BSN: variants seen among roughly 807,000 people sequenced by gnomAD.
BSN encodes bassoon presynaptic cytomatrix protein.
BSN carries 57 observed loss-of-function variants against 264.8 expected under a neutral mutation model. The observed-to-expected ratio is 0.22, with a 90% CI of 0.17 to 0.27. BSN has a LOEUF of 0.27. BSN is among the 10% of genes least tolerant of loss of function. The pLI is 1.00. For missense variants in BSN, 4,615 were observed against 5,232.5 expected, an observed-to-expected ratio of 0.88 and a Z score of 3.64; for synonymous variants, 2,059 against 2,137.3, an observed-to-expected ratio of 0.96 and a Z score of 1.01.
chr3:49,663,025 C>T lies in BSN; in HGVS notation c.10867C>T (p.Pro3623Ser), dbSNP rs747512004. ...ARHSYHDYDE[P>S]PEEGLWPHDE... ...GCACAGCTACCATGACTACGATGAA[C>T]CCCCTGAGGAGGGCCTGTGGCCTCA... The change falls in exon 7 of 12, where the codon CCC becomes TCC. Residue 3623 changes from proline to serine, a missense_variant. Physicochemically the swap from Pro to Ser is moderately conservative, Grantham distance 74. Coordinates refer to ENST00000296452, the MANE Select transcript of BSN (RefSeq NM_003458.4). 6.2e-7 allele frequency: 1 copy of T among 1,613,930 alleles called. No homozygotes were observed. Among genetic ancestry groups the T allele is most frequent in the African/African-American group, 1.3e-5 (1 of 75,060 alleles).
At chr3:49,590,737 A>G (rs534336385) in intron 1 of BSN, among the ~76,000 whole-genome samples, 1 of 151,958 alleles carries the variant, frequency 6.6e-6, no homozygotes, top group Non-Finnish European at 1.5e-5. Flanking sequence ...TAATTATTAC[A>G]CATAATTATA....
Position 49,655,048 on chromosome 3 carries a change from C to T in BSN, c.5492C>T (p.Pro1831Leu), listed in dbSNP as rs2052585157. 2 of 1,613,014 alleles carry T rather than the reference C, an allele frequency of 1.2e-6. No individual in the cohort carries two copies. Among genetic ancestry groups the T allele is most frequent in the Admixed American group, 1.7e-5 (1 of 60,008 alleles). ...ACCGCCCAGAGCATTGGCCTCAAGC[C>T]AGGCCCAGTGCCAGAGCCAGGTGCC... ...MGTAQSIGLK[P>L]GPVPEPGAEP... Residue 1831 changes from proline to leucine, a missense_variant, in exon 5 of 12, where the codon CCA becomes CTA. By Grantham distance (98) the Pro-to-Leu change is moderately conservative. Coordinates refer to ENST00000296452, the MANE Select transcript of BSN (RefSeq NM_003458.4).
At position 49,655,685 on chromosome 3, in the gene BSN, G is replaced by A. The variant is rs200228835; in HGVS notation, c.6129G>A (p.Thr2043=). The A allele has an allele frequency of 7.4e-5, 120 of 1,613,552 alleles. No individual in the cohort carries two copies. The highest frequency in any genetic ancestry group is 1.6e-4 in the East Asian group (7 of 44,878). The change falls in exon 5 of 12, where the codon ACG becomes ACA. Residue 2043 remains threonine (T), a synonymous_variant. Coordinates refer to ENST00000296452, the MANE Select transcript of BSN (RefSeq NM_003458.4). ...LGQGLQYGSV[T]DLRHPTDLLA... The stretch of plus-strand genomic sequence containing the variant: ...AGGGCTTGCAGTATGGCTCAGTCAC[G>A]GACCTGCGTCATCCTACAGACCTTT...
At chr3:49,596,335 C>T (rs1424854319) in intron 1 of BSN, among the ~76,000 whole-genome samples, 4 of 152,044 alleles carry the variant, frequency 2.6e-5, no homozygotes, top group Admixed American at 6.6e-5. Flanking sequence ...ACCTAGGAGG[C>T]GGAGCTTGCA....
rs1406819073 is a variant in BSN, at chr3:49,657,876, C to G, written c.8320C>G (p.Leu2774Val). 6.2e-7 allele frequency: 1 copy of G among 1,613,652 alleles called. No homozygotes were observed. Among genetic ancestry groups the G allele is most frequent in the Non-Finnish European group, 8.5e-7 (1 of 1,179,928 alleles). The change falls in exon 5 of 12, where the codon CTG becomes GTG. Residue 2774 changes from leucine (L) to valine (V), a missense_variant. By Grantham distance (32) the Leu-to-Val change is conservative. Transcript: ENST00000296452. Reference protein sequence around the residue: ...DPLEIGYQAHLPPESLSQLVS... With the variant: ...DPLEIGYQAHVPPESLSQLVS... ...CCTGGAGATTGGGTACCAGGCCCAC[C>G]TGCCTCCGGAGTCTCTCTCACAGCT...
chr3:49,630,764 T>C (rs1484564756), intron 2 of BSN, among the ~76,000 whole-genome samples: 1 of 151,352 alleles, frequency 6.6e-6, no homozygotes. Flanking sequence ...GCAGTAAAAA[T>C]GGTAGAGAAA....
intron 1 of BSN, among the ~76,000 whole-genome samples, chr3:49,576,191 G>A (rs2051844567): frequency 6.6e-6 from 1 of 152,026 alleles, no homozygotes; most frequent in Non-Finnish European, 1.5e-5. Context: ...TGTTCTAGCT[G>A]GATTCCTACT....
Position 49,643,004 on chromosome 3 carries a change from C to A in BSN, c.1370C>A (p.Thr457Asn), listed in dbSNP as rs756481284. The change falls in exon 3 of 12, where the codon ACC becomes AAC. Residue 457 changes from threonine to asparagine, a missense_variant. By Grantham distance (65) the Thr-to-Asn change is moderately conservative (BLOSUM62 0). Coordinates refer to ENST00000296452, the MANE Select transcript of BSN (RefSeq NM_003458.4). ...TCGAAGGCTGCTGCCAAGCCAAAGACCATGCCGAAGGAAAGGGCCATCTGC... is the reference window on the plus strand; with the variant it reads ...TCGAAGGCTGCTGCCAAGCCAAAGAACATGCCGAAGGAAAGGGCCATCTGC... ...AASKAAAKPKTMPKERAICPL... is the reference protein window; with the variant it reads ...AASKAAAKPKNMPKERAICPL... The A allele has an allele frequency of 4.3e-6, 7 of 1,614,012 alleles. No individual in the cohort carries two copies. In the African/African-American group the frequency reaches 9.3e-5, roughly 22 times the overall value.
intron 1 of BSN, among the ~76,000 whole-genome samples, chr3:49,619,224 C>G (rs1281810126): frequency 6.6e-6 from 1 of 152,254 alleles, no homozygotes; most frequent in Non-Finnish European, 1.5e-5. Context: ...TGAGCTCATT[C>G]TACTGTTCAC....
intron 2 of BSN, among the ~76,000 whole-genome samples, chr3:49,630,465 T>C (rs907895200): frequency 7.9e-5 from 12 of 152,328 alleles, no homozygotes; most frequent in African/African-American, 2.9e-4. Flanking sequence ...TTAGTCACTC[T>C]GGAGCAGCCA....
At chr3:49,582,036 A>G (rs1319524016) in intron 1 of BSN, among the ~76,000 whole-genome samples, 1 of 152,070 alleles carries the variant, frequency 6.6e-6, no homozygotes, top group Non-Finnish European at 1.5e-5. Flanking sequence ...ATCATATGGT[A>G]ATTTTATGTT....
At chr3:49,606,768 C>T (rs2052155905) in intron 1 of BSN, among the ~76,000 whole-genome samples, 1 of 152,104 alleles carries the variant, frequency 6.6e-6, no homozygotes, top group Non-Finnish European at 1.5e-5. Flanking sequence ...CCTTGAGTCC[C>T]CAGCACCTTC....
rs1293800830 is a variant in BSN at position 49,657,559 on chromosome 3, C to T, written c.8003C>T (p.Thr2668Ile). The change falls in exon 5 of 12, where the codon ACC becomes ATC. Residue 2668 changes from threonine to isoleucine, a missense_variant. Thr to Ile is a moderately conservative substitution (Grantham distance 89, BLOSUM62 -1). Coordinates refer to ENST00000296452, the MANE Select transcript of BSN (RefSeq NM_003458.4). ...GCCATGAGCAGCGTGGGCATCCAGA[C>T]CATCAGTGACTGCTCCGTGCAGACG... ...VRAMSSVGIQ[T>I]ISDCSVQTEP... The T allele has an allele frequency of 6.2e-7, 1 of 1,613,058 alleles. No individual in the cohort carries two copies. Among genetic ancestry groups the T allele is most frequent in the Non-Finnish European group, 8.5e-7 (1 of 1,180,032 alleles).
rs375201524 is a variant in BSN at position 49,661,368 on chromosome 3, C to T, written c.9523C>T (p.Pro3175Ser). The T allele has an allele frequency of 6.2e-7, 1 of 1,614,010 alleles. No individual in the cohort carries two copies. Among genetic ancestry groups the T allele is most frequent in the East Asian group, 2.2e-5 (1 of 44,888 alleles). Residue 3175 changes from proline (P) to serine (S), a missense_variant, in exon 6 of 12, where the codon CCA becomes TCA. Physicochemically the swap from Pro to Ser is moderately conservative, Grantham distance 74. Transcript: ENST00000296452. ...CCCCGTTGTGCCCATGTCTTCAGCCCCATCTGAAACCAGCTACAGTGGCCC... is the reference window on the plus strand; with the variant it reads ...CCCCGTTGTGCCCATGTCTTCAGCCTCATCTGAAACCAGCTACAGTGGCCC... ...ASPVVPMSSAPSETSYSGPAV... is the reference protein window; with the variant it reads ...ASPVVPMSSASSETSYSGPAV...
rs757042484 is a variant in BSN, at chr3:49,662,112, T to A, written c.10267T>A (p.Tyr3423Asn). Reference sequence around the variant, plus strand: ...GAACGTGTATGAGCAGCAAAAATACTATGGGATGTCCAGCCGGGACGCAGT... The same window carrying A: ...GAACGTGTATGAGCAGCAAAAATACAATGGGATGTCCAGCCGGGACGCAGT... ...KKNVYEQQKY[Y>N]GMSSRDAVED... is the part of the protein sequence containing the mutation. The change falls in exon 6 of 12, where the codon TAT (tyrosine) becomes AAT (asparagine). Residue 3423 changes from tyrosine (Y) to asparagine (N), a missense_variant. Tyr to Asn is a moderately radical substitution (Grantham distance 143). Around this residue, in one of 3 missense-constraint regions of BSN, gnomAD observed 3,415 missense variants for 3,866.4 expected, o/e 0.88. Coordinates refer to ENST00000296452, the MANE Select transcript of BSN (RefSeq NM_003458.4). The A allele has an allele frequency of 6.2e-7, 1 of 1,613,382 alleles. No homozygotes were observed. Among genetic ancestry groups the A allele is most frequent in the Non-Finnish European group, 8.5e-7 (1 of 1,180,046 alleles).
Position 49,651,012 on chromosome 3 carries a change from G to A in BSN, c.1919G>A (p.Arg640Lys), listed in dbSNP as rs765305073. 2.5e-6 allele frequency: 4 copies of A among 1,613,920 alleles called. No individual in the cohort carries two copies. The African/African-American group carries it at 4.0e-5, about 16-fold the overall frequency. The change falls in exon 4 of 12, where the codon AGG (arginine) becomes AAG (lysine). Residue 640 changes from arginine to lysine, a missense_variant. Physicochemically the swap from Arg to Lys is conservative, Grantham distance 26. Around this residue, in one of 3 missense-constraint regions of BSN, gnomAD observed 1,197 missense variants for 1,348.0 expected, o/e 0.89. Coordinates refer to ENST00000296452, the MANE Select transcript of BSN (RefSeq NM_003458.4). This position sits in a 1 kb window ranked among gnomAD's most constrained non-coding sequence, Gnocchi z 5.4. ...ACTCCTAAAGTAAAGAGTGGGGTGAGGAGGGCTGAACCTGCCACCCCTGTC... is the reference window on the plus strand; with the variant it reads ...ACTCCTAAAGTAAAGAGTGGGGTGAAGAGGGCTGAACCTGCCACCCCTGTC... ...PATPKVKSGV[R>K]RAEPATPVVK...
chr3:49,603,204 C>T (rs1037973041), intron 1 of BSN, among the ~76,000 whole-genome samples: 1 of 152,172 alleles, frequency 6.6e-6, no homozygotes, highest in African/African-American at 2.4e-5. Context: ...CTGATGCCTT[C>T]CTGCTTTGCG....
chr3:49,623,402 C>T (rs191947136), intron 1 of BSN, among the ~76,000 whole-genome samples: 2 of 152,330 alleles, frequency 1.3e-5, no homozygotes, highest in East Asian at 3.9e-4. Flanking sequence ...TGTGCTCATC[C>T]TCTTTCAAAC....
Position 49,554,545 on chromosome 3 carries a change from C to A in BSN, c.-58C>A. 2 of 675,976 alleles carry A rather than the reference C, an allele frequency of 3.0e-6. No homozygotes were observed. The highest frequency in any genetic ancestry group is 6.2e-5 in the South Asian group (1 of 16,178). 41.9% of individuals were successfully genotyped at this position (675,976 alleles called of 1,614,324 possible). On this transcript the variant is annotated 5_prime_UTR_variant, in exon 1 of 12. Coordinates refer to ENST00000296452, the MANE Select transcript of BSN (RefSeq NM_003458.4). ...CGGCGCCGAGAGTGTGAGCACCGCC[C>A]GGGAGCCGCCGGCCCGGGCGCAGCG...
Sources: allele counts gnomAD v4.1 joint callset (sites outside exome capture counted in the v4.1 genomes callset), GRCh38; gene constraint gnomAD v4.1.1; regional missense constraint gnomAD v4.1.1; non-coding constraint Gnocchi (gnomAD v3.1); transcripts MANE v1.5; gene names NCBI Gene and HGNC (gene_info 2026-07-23, HGNC 2026-07-21).